Variants in KCNQ5 observed in about 807,000 individuals in gnomAD.
KCNQ5 encodes potassium voltage-gated channel subfamily Q member 5.
KCNQ5 carries 30 observed loss-of-function variants against 98.2 expected under a neutral mutation model. The ratio of observed to expected loss-of-function variants is 0.31; its 90% CI spans 0.23 to 0.41. The LOEUF is 0.41. KCNQ5 is among the 10% of genes least tolerant of loss of function. The pLI is 1.00. For missense variants in KCNQ5, 835 were observed against 1,182.5 expected (o/e 0.71, Z 4.31); for synonymous variants, 458 against 449.4 (o/e 1.02, Z -0.24).
intron 1 of KCNQ5, among the ~76,000 whole-genome samples, chr6:72,693,596 G>A (rs1006066593): frequency 2.6e-5 from 4 of 152,108 alleles, no homozygotes; most frequent in African/African-American, 9.7e-5. Context: ...CCCAGTAAAG[G>A]AAGCCCTAAT....
intron 3 of KCNQ5, chr6:73,055,376 G>A (rs900221779): frequency 4.1e-5 from 61 of 1,475,040 alleles, no homozygotes; most frequent in East Asian, 3.9e-4. Flanking sequence ...GGCTCTAGCC[G>A]GTCTCAATAA....
At chr6:73,100,462 C>G (rs908081023) in intron 5 of KCNQ5, among the ~76,000 whole-genome samples, 2 of 151,706 alleles carry the variant, frequency 1.3e-5, no homozygotes, top group African/African-American at 4.8e-5. Flanking sequence ...GTCAGGAGAC[C>G]GAGACCATCC....
intron 1 of KCNQ5, among the ~76,000 whole-genome samples, chr6:72,900,309 T>C (rs1271983199): frequency 6.7e-6 from 1 of 150,168 alleles, no homozygotes; most frequent in Non-Finnish European, 1.5e-5. Context: ...TCTGAGTACA[T>C]ATATATATAT....
intron 2 of KCNQ5, among the ~76,000 whole-genome samples, chr6:73,039,775 T>G (rs989956946): frequency 1.3e-5 from 2 of 152,170 alleles, no homozygotes; most frequent in Admixed American, 1.3e-4. Flanking sequence ...TTTTTAAAAA[T>G]GTGTATTCTG....
At chr6:72,926,388 C>A (rs1765420477) in intron 1 of KCNQ5, among the ~76,000 whole-genome samples, 1 of 152,124 alleles carries the variant, frequency 6.6e-6, no homozygotes, top group Non-Finnish European at 1.5e-5. Flanking sequence ...CATTTCTTCC[C>A]ATTTCCCTTC....
intron 1 of KCNQ5, among the ~76,000 whole-genome samples, chr6:72,797,278 G>T (rs1774387691): frequency 1.3e-5 from 2 of 152,082 alleles, no homozygotes; most frequent in South Asian, 4.2e-4. Flanking sequence ...AGCACTTTGG[G>T]AGGCTGAGGT....
chr6:73,187,487 T>C (rs1462335855), intron 11 of KCNQ5, among the ~76,000 whole-genome samples: 1 of 152,202 alleles, frequency 6.6e-6, no homozygotes, highest in East Asian at 1.9e-4. Context: ...ATTTTCACTA[T>C]TTAATTCTCA....
At chr6:72,805,575 T>C (rs1774914716) in intron 1 of KCNQ5, among the ~76,000 whole-genome samples, 2 of 152,176 alleles carry the variant, frequency 1.3e-5, no homozygotes, top group Admixed American at 6.5e-5. Context: ...ACTATACCTC[T>C]GTGGTACAAT....
chr6:73,144,275 C>T (rs1288265965), intron 10 of KCNQ5, among the ~76,000 whole-genome samples: 3 of 152,122 alleles, frequency 2.0e-5, no homozygotes, highest in African/African-American at 7.2e-5. Context: ...CTAATTTGTT[C>T]GGCTTTTCTT....
chr6:73,037,051 C>T (rs1771465225), intron 2 of KCNQ5, among the ~76,000 whole-genome samples: 1 of 152,208 alleles, frequency 6.6e-6, no homozygotes, highest in Non-Finnish European at 1.5e-5. Flanking sequence ...AGCCATTCTG[C>T]TAGCTGTGTA....
At chr6:73,047,892 G>T (rs760960574) in intron 3 of KCNQ5, among the ~76,000 whole-genome samples, 51 of 152,180 alleles carry the variant, frequency 3.4e-4, no homozygotes, top group Non-Finnish European at 6.2e-4. Context: ...AGTAGTCCTA[G>T]AAAGAAGGCT....
intron 1 of KCNQ5, among the ~76,000 whole-genome samples, chr6:72,927,335 T>C (rs112721152): frequency 0.014 from 2,166 of 152,274 alleles, 50 homozygotes; most frequent in South Asian, 0.067. Flanking sequence ...TCAGAAAATA[T>C]GACTTGTTCA....
chr6:73,155,139 G>T (rs558284788), intron 10 of KCNQ5, among the ~76,000 whole-genome samples: 1 of 152,254 alleles, frequency 6.6e-6, no homozygotes, highest in South Asian at 2.1e-4. Flanking sequence ...TAAGCCTGAG[G>T]CTCTAAACTC....
At chr6:72,750,067 T>C (rs762810957) in intron 1 of KCNQ5, among the ~76,000 whole-genome samples, 10 of 152,272 alleles carry the variant, frequency 6.6e-5, no homozygotes, top group Non-Finnish European at 1.0e-4. Flanking sequence ...GTTATCAAAA[T>C]GCTATCCAAA....
At chr6:72,648,204 G>C (rs1371954616) in intron 1 of KCNQ5, among the ~76,000 whole-genome samples, 2 of 152,140 alleles carry the variant, frequency 1.3e-5, no homozygotes. Flanking sequence ...TTTGACGTTG[G>C]AAGAACAGTA....
At chr6:72,942,140 A>C (rs1157719986) in intron 1 of KCNQ5, among the ~76,000 whole-genome samples, 1 of 152,224 alleles carries the variant, frequency 6.6e-6, no homozygotes, top group African/African-American at 2.4e-5. Context: ...AAGGCTCTCT[A>C]CTGGAGAGAT....
intron 1 of KCNQ5, among the ~76,000 whole-genome samples, chr6:72,852,282 C>A (rs946697792): frequency 2.7e-4 from 41 of 151,970 alleles, no homozygotes; most frequent in Non-Finnish European, 1.3e-4. Flanking sequence ...GAAAGGAAAT[C>A]AATACATCAA....
At chr6:72,677,974 T>A (rs1030919258) in intron 1 of KCNQ5, among the ~76,000 whole-genome samples, 4 of 152,176 alleles carry the variant, frequency 2.6e-5, no homozygotes, top group Non-Finnish European at 4.4e-5. Context: ...TATAATCAGA[T>A]GAACAAGATA....
At chr6:72,785,121 T>G (rs1773670136) in intron 1 of KCNQ5, among the ~76,000 whole-genome samples, 1 of 152,206 alleles carries the variant, frequency 6.6e-6, no homozygotes, top group Non-Finnish European at 1.5e-5. Context: ...TAGCATCTCA[T>G]GAAGTATTTC....
Sources: gnomAD v4.1 joint callset for allele counts (sites outside exome capture counted in the v4.1 genomes callset) on GRCh38, gnomAD v4.1.1 for gene constraint, MANE v1.5 for transcripts, NCBI Gene and HGNC (gene_info 2026-07-23, HGNC 2026-07-21) for gene names.